The following RNF150 variants were observed in gnomAD, a reference collection of about 807,000 sequenced individuals.
The protein encoded by RNF150 is ring finger protein 150.
RNF150 carries 24 observed loss-of-function variants against 39.3 expected under a neutral mutation model. The ratio of observed to expected loss-of-function variants is 0.61; its 90% confidence interval spans 0.44 to 0.86. RNF150 has a LOEUF of 0.86. Ranked by LOEUF, RNF150 falls within the 40% of genes least tolerant of loss-of-function variation. The pLI, the probability that RNF150 is intolerant of heterozygous loss-of-function variation, is 0.00. For synonymous variants in RNF150, 255 were observed against 227.3 expected (o/e 1.12, Z -1.10); for missense variants, 502 against 587.8 (o/e 0.85, Z 1.51).
chr4:141,201,422 T>C (rs1728288013), intron 1 of RNF150, among the ~76,000 whole-genome samples: 1 of 152,210 alleles, frequency 6.6e-6, no homozygotes, highest in Non-Finnish European at 1.5e-5. Context: ...TTATTATAAG[T>C]GATTCTACAC....
Position 140,943,671 on chromosome 4 carries a change from G to A in RNF150, c.890+3983C>T, listed in dbSNP as rs1325511579. Among the ~76,000 whole-genome samples, 3 of 152,108 alleles carry A rather than the reference G, an allele frequency of 2.0e-5. 1 individual carries two copies. The highest frequency in any genetic ancestry group is 2.0e-4 in the Admixed American group (3 of 15,266). On this transcript the variant is annotated intron_variant, in intron 4 of 6. Coordinates refer to ENST00000515673, the MANE Select transcript of RNF150 (RefSeq NM_020724.2). Reference sequence around the variant, plus strand: ...CACTAGACTATTTCCTTTAGAGCATGCATCATGCCATTTGTCTTCTCATCG... The same window carrying A: ...CACTAGACTATTTCCTTTAGAGCATACATCATGCCATTTGTCTTCTCATCG...
At chr4:140,934,684 T>G (rs1731769409) in intron 4 of RNF150, among the ~76,000 whole-genome samples, 1 of 151,936 alleles carries the variant, frequency 6.6e-6, no homozygotes, top group Non-Finnish European at 1.5e-5. Flanking sequence ...CTGAAGCAGA[T>G]TTTTAGCCAA....
intron 1 of RNF150, among the ~76,000 whole-genome samples, chr4:141,031,869 A>G (rs1159320282): frequency 6.6e-6 from 1 of 152,108 alleles, no homozygotes; most frequent in African/African-American, 2.4e-5. Context: ...ACTATGATCT[A>G]GCAATCCCAT....
chr4:140,983,870 G>A (rs1239091689), intron 1 of RNF150, among the ~76,000 whole-genome samples: 1 of 151,534 alleles, frequency 6.6e-6, no homozygotes, highest in Non-Finnish European at 1.5e-5. Context: ...CTCTCGAGTA[G>A]CTGGGACTAC....
chr4:141,161,468 A>G (rs1393919027), intron 1 of RNF150, among the ~76,000 whole-genome samples: 1 of 152,232 alleles, frequency 6.6e-6, no homozygotes, highest in South Asian at 2.1e-4. Flanking sequence ...TAGCCTGGCT[A>G]TGTGGTAGAA....
chr4:140,980,054 C>CT (rs1298594142), intron 1 of RNF150, among the ~76,000 whole-genome samples: 9 of 151,374 alleles, frequency 5.9e-5, no homozygotes, highest in East Asian at 5.8e-4. Context: ...CATTTTTTTT[C>CT]TTTTTTTTGA....
Position 140,964,075 on chromosome 4 carries a change from T to A in RNF150, c.735+3548A>T, listed in dbSNP as rs148333381. Reference sequence around the variant, plus strand: ...AGTTTATTCTGGAGATTCCAACCAATGAAATGAGATAACAGAAAAAACAGG... The same window carrying A: ...AGTTTATTCTGGAGATTCCAACCAAAGAAATGAGATAACAGAAAAAACAGG... On this transcript the variant is annotated intron_variant, in intron 2 of 6. Transcript: ENST00000515673. 5.0e-4 allele frequency among the ~76,000 whole-genome samples: 76 copies of A among 152,170 alleles called. 1 individual carries two copies. The highest frequency in any genetic ancestry group is 1.7e-3 in the African/African-American group (71 of 41,532).
At position 140,967,747 on chromosome 4, in the gene RNF150, A is replaced by T; in HGVS notation, c.611T>A (p.Val204Glu). ...TIGTRNLQKY[V>E]SRTSVVFVSI... The stretch of plus-strand genomic sequence containing the variant: ...GACAAACACAACCGAAGTGCGGCTC[A>T]CATATTTCTGCAAGTTCCGGGTTCC... Residue 204 changes from valine (V) to glutamate (E), a missense_variant, in exon 2 of 7, where the codon GTG becomes GAG. Transcript: ENST00000515673. The T allele has an allele frequency of 6.2e-7, 1 of 1,613,646 alleles. No individual in the cohort carries two copies. Among genetic ancestry groups the T allele is most frequent in the Non-Finnish European group, 8.5e-7 (1 of 1,179,656 alleles).
chr4:141,134,366 A>G (rs1328027565), upstream of RNF150, among the ~76,000 whole-genome samples: 1 of 152,194 alleles, frequency 6.6e-6, no homozygotes, highest in Non-Finnish European at 1.5e-5. Context: ...TGCCTGCCAT[A>G]TAGTCTCTAA....
At chr4:140,957,618 T>C (rs1579002965) in intron 2 of RNF150, among the ~76,000 whole-genome samples, 1 of 151,974 alleles carries the variant, frequency 6.6e-6, no homozygotes, top group South Asian at 2.1e-4. Flanking sequence ...TATTGCGGCA[T>C]TATTCACAAT....
intron 1 of RNF150, among the ~76,000 whole-genome samples, chr4:141,042,904 T>G (rs1171019656): frequency 3.3e-5 from 5 of 152,060 alleles, no homozygotes; most frequent in Non-Finnish European, 7.4e-5. Flanking sequence ...CGGCATACTA[T>G]TTTAGGTAAA....
chr4:140,894,839 A>G (rs1050073386), intron 6 of RNF150, among the ~76,000 whole-genome samples: 3 of 152,322 alleles, frequency 2.0e-5, no homozygotes, highest in African/African-American at 7.2e-5. Flanking sequence ...TGTAACGTAG[A>G]TGCCTTGTCA....
At chr4:141,136,315 G>A (rs2111119314), upstream of RNF150, among the ~76,000 whole-genome samples, 1 of 152,208 alleles carries the variant, frequency 6.6e-6, no homozygotes, top group African/African-American at 2.4e-5. Flanking sequence ...ATTTAGCAGT[G>A]ATGAGACATT....
chr4:141,197,853 G>A (rs1728226068), intron 1 of RNF150, among the ~76,000 whole-genome samples: 1 of 151,512 alleles, frequency 6.6e-6, no homozygotes, highest in Admixed American at 6.6e-5. Flanking sequence ...ACTCCAGCCT[G>A]GTTGACAGAG....
chr4:140,997,219 A>C (rs1560676337), intron 1 of RNF150, among the ~76,000 whole-genome samples: 1 of 152,228 alleles, frequency 6.6e-6, no homozygotes, highest in Non-Finnish European at 1.5e-5. Flanking sequence ...AGAAAACTAT[A>C]ATTTATAATC....
intron 2 of RNF150, among the ~76,000 whole-genome samples, chr4:140,959,083 C>T (rs1732906731): frequency 6.6e-6 from 1 of 152,112 alleles, no homozygotes; most frequent in Non-Finnish European, 1.5e-5. Flanking sequence ...CCACTGTTCC[C>T]ATTTTTATGA....
intron 6 of RNF150, among the ~76,000 whole-genome samples, chr4:140,909,327 G>T (rs1415775118): frequency 1.3e-5 from 2 of 152,094 alleles, no homozygotes; most frequent in African/African-American, 2.4e-5. Flanking sequence ...TTCAAATGTG[G>T]CTAGTTAAAA....
intron 1 of RNF150, among the ~76,000 whole-genome samples, chr4:141,193,561 C>T (rs1012724208): frequency 9.2e-5 from 14 of 152,296 alleles, no homozygotes; most frequent in African/African-American, 3.1e-4. Context: ...AGACAATATC[C>T]CTCTCTTTAT....
Position 141,008,757 on chromosome 4 carries a change from C to A in RNF150, c.485-40884G>T, listed in dbSNP as rs113746563. 3.7e-3 allele frequency among the ~76,000 whole-genome samples: 562 copies of A among 152,260 alleles called. 4 individuals are homozygous for A. Among genetic ancestry groups the A allele is most frequent in the African/African-American group, 0.013 (538 of 41,564 alleles). On this transcript the variant is annotated intron_variant, in intron 1 of 6. Transcript: ENST00000515673. ...ATTCTTTGCCATGTTGTTGTTCCCT[C>A]TGTCTACCCTTGCACCAATATCACA...
Sources: gnomAD v4.1 joint callset for allele counts (sites outside exome capture counted in the v4.1 genomes callset) on GRCh38, gnomAD v4.1.1 for gene constraint, MANE v1.5 for transcripts, NCBI Gene and HGNC (gene_info 2026-07-23, HGNC 2026-07-21) for gene names.